The following LUZP2 variants were observed in gnomAD, a reference collection of about 807,000 sequenced individuals.
The protein encoded by LUZP2 is leucine zipper protein 2.
Under a neutral mutation model 51.6 loss-of-function variants are expected in LUZP2, and 52 were observed. The observed-to-expected ratio is 1.01, with a 90% CI of 0.81 to 1.27. The LOEUF (loss-of-function observed/expected upper bound fraction) is 1.27. Ranked by LOEUF, LUZP2 falls within the 50% of genes most tolerant of loss-of-function variation. The probability of loss-of-function intolerance (pLI) is 0.00; values close to 1 mark genes in which losing one functional copy is unlikely to be tolerated. For missense variants in LUZP2, 436 were observed against 395.4 expected (o/e 1.10, Z -0.87); for synonymous variants, 154 against 137.3 (o/e 1.12, Z -0.85).
intron 7 of LUZP2, among the ~76,000 whole-genome samples, chr11:24,948,831 CTATCT>C (rs1565146977): frequency 0.019 from 1,827 of 95,866 alleles, 31 homozygotes; most frequent in South Asian, 0.058. Context: ...TATCATCTAT[CTATCT>C]ATCTATCTAT....
chr11:25,050,711 C>T (rs1236223516), intron 10 of LUZP2, among the ~76,000 whole-genome samples: 1 of 152,038 alleles, frequency 6.6e-6, no homozygotes, highest in Admixed American at 6.6e-5. Context: ...TGGAGGACCA[C>T]AGGCTAAGCA....
chr11:24,854,475 A>G (rs1204397330), intron 5 of LUZP2, among the ~76,000 whole-genome samples: 3 of 152,154 alleles, frequency 2.0e-5, no homozygotes, highest in Non-Finnish European at 2.9e-5. Flanking sequence ...CCTTCCATCA[A>G]GCTTGAGCAT....
chr11:24,976,276 A>T (rs968519187), intron 7 of LUZP2, among the ~76,000 whole-genome samples: 2 of 151,976 alleles, frequency 1.3e-5, no homozygotes, highest in Non-Finnish European at 2.9e-5. Flanking sequence ...AACTAGAAAT[A>T]TAAGTGATGG....
At chr11:24,957,972 G>A (rs1357231414) in intron 7 of LUZP2, among the ~76,000 whole-genome samples, 4 of 151,902 alleles carry the variant, frequency 2.6e-5, no homozygotes, top group East Asian at 1.9e-4. Flanking sequence ...TCATTGTTCA[G>A]TTCCCACCTA....
At chr11:24,823,014 A>G (rs1307755376) in intron 5 of LUZP2, among the ~76,000 whole-genome samples, 4 of 152,200 alleles carry the variant, frequency 2.6e-5, no homozygotes, top group African/African-American at 7.2e-5. Context: ...TTTCCAGTAC[A>G]TATCAGGAAC....
chr11:24,918,933 T>C (rs1853906829), intron 7 of LUZP2, among the ~76,000 whole-genome samples: 1 of 146,754 alleles, frequency 6.8e-6, no homozygotes, highest in Non-Finnish European at 1.5e-5. Context: ...TTATATATAG[T>C]TATATATACT....
intron 9 of LUZP2, among the ~76,000 whole-genome samples, chr11:25,009,863 G>A (rs1856935025): frequency 6.6e-6 from 1 of 152,062 alleles, no homozygotes; most frequent in Admixed American, 6.6e-5. Context: ...ACTACTCCTT[G>A]TTTCTTCATC....
intron 5 of LUZP2, among the ~76,000 whole-genome samples, chr11:24,774,381 T>TATATATATACAC (rs1184772523): frequency 7.2e-4 from 68 of 93,962 alleles, no homozygotes; most frequent in African/African-American, 2.5e-3. Context: ...TATATATATA[T>TATATATATACAC]ACATACACAC....
chr11:25,034,468 G>T (rs1355208055), intron 9 of LUZP2, among the ~76,000 whole-genome samples: 1 of 151,944 alleles, frequency 6.6e-6, no homozygotes, highest in Non-Finnish European at 1.5e-5. Flanking sequence ...ATTGCTTTTG[G>T]GGACTTAGCC....
chr11:24,613,236 G>A lies in LUZP2; in HGVS notation c.62+115931G>A, dbSNP rs931779304. Among the ~76,000 whole-genome samples, 5 of 152,032 alleles carry A rather than the reference G, an allele frequency of 3.3e-5. No individual in the cohort carries two copies. In the East Asian group the frequency reaches 5.8e-4, roughly 18 times the overall value. ...GGGGTGAATTCTATCTGACATAGAGGTGATGCTTTTATATTTGACCAGGAA... is the reference window on the plus strand; with the variant it reads ...GGGGTGAATTCTATCTGACATAGAGATGATGCTTTTATATTTGACCAGGAA... On this transcript the variant is annotated intron_variant, in intron 1 of 11. Transcript: ENST00000336930.
chr11:24,846,313 T>A (rs2134210923), intron 5 of LUZP2, among the ~76,000 whole-genome samples: 1 of 151,972 alleles, frequency 6.6e-6, no homozygotes, highest in African/African-American at 2.4e-5. Flanking sequence ...AAGCTAAACA[T>A]ATACAGCAAG....
chr11:24,815,664 TTCAGCCTCCAGACCTC>T (rs1255960534), intron 5 of LUZP2, among the ~76,000 whole-genome samples: 1 of 152,148 alleles, frequency 6.6e-6, no homozygotes, highest in Non-Finnish European at 1.5e-5. Context: ...TGGGTTTGTT[TTCAGCCTCCAGACCTC>T]TCAGCCTCCA....
At chr11:24,612,758 A>T (rs558433180) in intron 1 of LUZP2, among the ~76,000 whole-genome samples, 1 of 152,204 alleles carries the variant, frequency 6.6e-6, no homozygotes, top group East Asian at 1.9e-4. Flanking sequence ...AGTTGTGTTT[A>T]ATTTTCTCTG....
chr11:24,945,565 A>G (rs1275557065), intron 7 of LUZP2, among the ~76,000 whole-genome samples: 4 of 142,186 alleles, frequency 2.8e-5, no homozygotes, highest in African/African-American at 1.0e-4. Context: ...TTATCATCTT[A>G]TCATCTTTCC....
At chr11:24,874,236 T>C (rs1018532019) in intron 5 of LUZP2, among the ~76,000 whole-genome samples, 3 of 152,112 alleles carry the variant, frequency 2.0e-5, no homozygotes, top group African/African-American at 7.2e-5. Context: ...AGTACCCTAG[T>C]TGCTTCCTGG....
chr11:24,715,263 A>ATGTGGGTG (rs1857993771), intron 1 of LUZP2, among the ~76,000 whole-genome samples: 1 of 133,884 alleles, frequency 7.5e-6, no homozygotes, highest in Admixed American at 7.6e-5. Flanking sequence ...AGGAGCAACT[A>ATGTGGGTG]TGTGTGTGTG....
In LUZP2 at chr11:25,059,676, G is replaced by A. The variant is rs552726428; in HGVS notation, c.858+9546G>A. 1.8e-4 allele frequency among the ~76,000 whole-genome samples: 28 copies of A among 152,246 alleles called. 1 individual carries two copies. Among genetic ancestry groups the A allele is most frequent in the Middle Eastern group, 3.4e-3 (1 of 294 alleles). The stretch of plus-strand genomic sequence containing the variant: ...TCAAGGTAAAAGTTACTCAAGGCAG[G>A]ATGAATGCTTGATTACTGAGACTAT... On this transcript the variant is annotated intron_variant, in intron 10 of 11. Coordinates refer to ENST00000336930, the MANE Select transcript of LUZP2 (RefSeq NM_001009909.4).
chr11:25,030,664 T>C (rs1199025768), intron 9 of LUZP2, among the ~76,000 whole-genome samples: 1 of 151,406 alleles, frequency 6.6e-6, no homozygotes, highest in Non-Finnish European at 1.5e-5. Context: ...ATTTTCTTAA[T>C]TACATAAGAG....
intron 9 of LUZP2, among the ~76,000 whole-genome samples, chr11:25,043,746 A>G (rs2134010378): frequency 6.7e-6 from 1 of 148,282 alleles, no homozygotes; most frequent in African/African-American, 2.5e-5. Flanking sequence ...ACTATATATA[A>G]TATACATAGT....
Sources: allele counts gnomAD v4.1 joint callset (sites outside exome capture counted in the v4.1 genomes callset), GRCh38; gene constraint gnomAD v4.1.1; transcripts MANE v1.5; gene names NCBI Gene and HGNC (gene_info 2026-07-23, HGNC 2026-07-21).